The following SPIN1 variants were observed in gnomAD, a reference collection of about 807,000 sequenced individuals.
The protein encoded by SPIN1 is spindlin 1.
A neutral mutation model predicts 26.0 loss-of-function variants in SPIN1; 3 were observed. The observed-to-expected ratio is 0.12, with a 90% CI of 0.05 to 0.30. The LOEUF (loss-of-function observed/expected upper bound fraction) is 0.30, where lower values mean the gene tolerates loss of function less well. SPIN1 is among the 10% of genes least tolerant of loss of function. The pLI, the probability that SPIN1 is intolerant of heterozygous loss-of-function variation, is 1.00. For missense variants in SPIN1, 126 were observed against 333.4 expected, an observed-to-expected ratio of 0.38 and a Z score of 4.84; for synonymous variants, 101 against 116.5, an observed-to-expected ratio of 0.87 and a Z score of 0.86.
chr9:88,448,766 G>A (rs569377920), intron 2 of SPIN1, among the ~76,000 whole-genome samples, 175 bp from the exon 3 acceptor site: 1 of 152,210 alleles, frequency 6.6e-6, no homozygotes, highest in East Asian at 1.9e-4. Context: ...AATCTCTTGT[G>A]TGTATCTCTT....
intron 1 of SPIN1, among the ~76,000 whole-genome samples, chr9:88,405,700 C>T (rs906565851): frequency 6.6e-6 from 1 of 151,846 alleles, no homozygotes; most frequent in African/African-American, 2.4e-5. Context: ...TGAGCCACTG[C>T]CCAGCCTGTA....
chr9:88,392,513 G>A lies in SPIN1; in HGVS notation c.-159+3975G>A, dbSNP rs1826947037. On this transcript the variant is annotated intron_variant, in intron 1 of 5. Transcript: ENST00000375859. ...GAAAGCAGGAACAGAGGCATGAGAG[G>A]AGTTAAAGAGGCCATCGGGGATTTC... Among the ~76,000 whole-genome samples, 3 of 152,028 alleles carry A rather than the reference G, an allele frequency of 2.0e-5. No individual in the cohort carries two copies. The South Asian group carries it at 6.2e-4, about 32-fold the overall frequency.
At chr9:88,426,719 C>T (rs1049463701) in intron 2 of SPIN1, 128 bp downstream of exon 2, 24 of 627,482 alleles carry the variant, frequency 3.8e-5, no homozygotes, top group Non-Finnish European at 5.8e-5. Flanking sequence ...ATGTTATACA[C>T]ATATGCATAT....
At chr9:88,454,790 T>G (rs1272646797) in intron 3 of SPIN1, among the ~76,000 whole-genome samples, 2 of 152,204 alleles carry the variant, frequency 1.3e-5, no homozygotes, top group Non-Finnish European at 2.9e-5. Flanking sequence ...CAGTCTAGGT[T>G]TGTTTAAATA....
chr9:88,474,936 C>G lies in SPIN1; in HGVS notation c.590-142C>G, dbSNP rs561646473. ...CTTTTACGAAAACGTTTGCTGACTC[C>G]TGGTCTAGATAATCATGAATTCAGG... On this transcript the variant is annotated intron_variant, in intron 5 of 5. Transcript: ENST00000375859. 30 of 791,548 alleles carry G rather than the reference C, an allele frequency of 3.8e-5. No individual in the cohort carries two copies. In the African/African-American group the frequency reaches 4.5e-4, roughly 12 times the overall value. 49.0% of individuals were successfully genotyped at this position (791,548 alleles called of 1,614,324 possible). A position where few individuals can be genotyped will look rare whatever the true frequency, so the allele number is the denominator to read the frequency against.
chr9:88,438,325 T>C (rs182737422), intron 2 of SPIN1, among the ~76,000 whole-genome samples: 19 of 152,330 alleles, frequency 1.2e-4, no homozygotes, highest in African/African-American at 4.6e-4. Flanking sequence ...CTTAGAAGTA[T>C]GTTGTTCAAT....
At chr9:88,431,197 T>C (rs1827862878) in intron 2 of SPIN1, among the ~76,000 whole-genome samples, 1 of 151,602 alleles carries the variant, frequency 6.6e-6, no homozygotes, top group Non-Finnish European at 1.5e-5. Context: ...TTTTATGATA[T>C]ATTTTAATCA....
intron 2 of SPIN1, among the ~76,000 whole-genome samples, chr9:88,447,518 C>T (rs539974404): frequency 3.7e-4 from 56 of 152,254 alleles, no homozygotes; most frequent in African/African-American, 1.3e-3. Context: ...TCCAGGCTTC[C>T]TCACATTTCC....
chr9:88,435,207 C>CA (rs1827976343), intron 2 of SPIN1, among the ~76,000 whole-genome samples: 1 of 147,008 alleles, frequency 6.8e-6, no homozygotes, highest in Non-Finnish European at 1.5e-5. Flanking sequence ...ATTTTGCATT[C>CA]TTTTTTTTTT....
intron 5 of SPIN1, among the ~76,000 whole-genome samples, chr9:88,471,885 T>C (rs1424520098): frequency 6.6e-6 from 1 of 151,846 alleles, no homozygotes; most frequent in Non-Finnish European, 1.5e-5. Flanking sequence ...GGCTGGAGTA[T>C]AGTGGCACGA....
intron 1 of SPIN1, among the ~76,000 whole-genome samples, chr9:88,409,378 G>A (rs1043127260): frequency 2.8e-4 from 43 of 151,798 alleles, no homozygotes; most frequent in South Asian, 2.1e-4. Flanking sequence ...GTATACACAC[G>A]TGCACATCTA....
intron 3 of SPIN1, among the ~76,000 whole-genome samples, chr9:88,454,085 T>C (rs1828419439): frequency 6.6e-6 from 1 of 152,216 alleles, no homozygotes; most frequent in Admixed American, 6.5e-5. Context: ...AAAGAGGTTA[T>C]AGATGTTTAA....
chr9:88,450,716 A>G (rs1828337725), intron 3 of SPIN1, among the ~76,000 whole-genome samples: 1 of 152,232 alleles, frequency 6.6e-6, no homozygotes. Context: ...CCTTGAGCAT[A>G]TTACTATCTA....
intron 1 of SPIN1, among the ~76,000 whole-genome samples, chr9:88,414,346 C>A (rs1342931230): frequency 1.3e-5 from 2 of 152,194 alleles, no homozygotes; most frequent in Admixed American, 6.5e-5. Flanking sequence ...CCCCCCACCT[C>A]CACATCCTGA....
intron 1 of SPIN1, among the ~76,000 whole-genome samples, chr9:88,410,110 C>G (rs1827404731): frequency 6.6e-6 from 1 of 151,564 alleles, no homozygotes; most frequent in Admixed American, 6.6e-5. Flanking sequence ...GATCCTGTCT[C>G]TCTGATACCT....
At chr9:88,454,853 A>T (rs1474902086) in intron 3 of SPIN1, among the ~76,000 whole-genome samples, 1 of 152,208 alleles carries the variant, frequency 6.6e-6, no homozygotes, top group African/African-American at 2.4e-5. Flanking sequence ...AAGCCCCACA[A>T]CTGGAAAGCT....
chr9:88,403,761 G>A (rs1827236681), intron 1 of SPIN1, among the ~76,000 whole-genome samples: 1 of 152,064 alleles, frequency 6.6e-6, no homozygotes, highest in Non-Finnish European at 1.5e-5. Context: ...TCTTTTTAAG[G>A]GGCCAGTATT....
chr9:88,408,105 T>C (rs903378728), intron 1 of SPIN1, among the ~76,000 whole-genome samples: 9 of 151,992 alleles, frequency 5.9e-5, no homozygotes, highest in African/African-American at 2.4e-5. Context: ...GTTTTTTTTT[T>C]CTGCCTTTAG....
At chr9:88,391,892 A>T (rs891043167) in intron 1 of SPIN1, 12 of 152,218 alleles carry the variant, frequency 7.9e-5, no homozygotes, top group African/African-American at 2.7e-4. Flanking sequence ...GCGGGAAGTG[A>T]TGCCAGCTCT....
Sources: gnomAD v4.1 joint callset for allele counts (sites outside exome capture counted in the v4.1 genomes callset) on GRCh38, gnomAD v4.1.1 for gene constraint, MANE v1.5 for transcripts, NCBI Gene and HGNC (gene_info 2026-07-23, HGNC 2026-07-21) for gene names.